TG: variants seen among roughly 807,000 people sequenced by gnomAD.
TG encodes the protein thyroglobulin, also known as thyroid hormones.
In TG, 270 loss-of-function variants were observed where a neutral mutation model predicts 324.7. The ratio of observed to expected loss-of-function variants is 0.83; its 90% CI spans 0.75 to 0.92. The LOEUF (loss-of-function observed/expected upper bound fraction) is 0.92, where lower values mean the gene tolerates loss of function less well. TG is among the 40% of genes least tolerant of loss of function. The pLI is 0.00. For synonymous variants in TG, 1,401 were observed against 1,327.0 expected, an observed-to-expected ratio of 1.06 and a Z score of -1.21; for missense variants, 3,591 against 3,456.4, an observed-to-expected ratio of 1.04 and a Z score of -0.98.
At position 133,039,841 on chromosome 8, in the gene TG, G is replaced by A. The variant is rs112839616; in HGVS notation, c.7239+9818G>A. 3.2e-3 allele frequency among the ~76,000 whole-genome samples: 492 copies of A among 152,258 alleles called. 1 individual carries two copies. Among genetic ancestry groups the A allele is most frequent in the African/African-American group, 0.011 (468 of 41,546 alleles). On this transcript the variant is annotated intron_variant, in intron 41 of 47. Transcript: ENST00000220616. Reference sequence around the variant, plus strand: ...CCAGGGATTCCCTTGGTCTACACTTGTGGGGGGTGCTCACCCCCCAGTTTC... The same window carrying A: ...CCAGGGATTCCCTTGGTCTACACTTATGGGGGGTGCTCACCCCCCAGTTTC...
At chr8:132,987,011 C>T (rs1245706928) in intron 35 of TG, among the ~76,000 whole-genome samples, 2 of 152,188 alleles carry the variant, frequency 1.3e-5, no homozygotes, top group East Asian at 1.9e-4. Flanking sequence ...AATGCTTCCA[C>T]TCTATTTTTG....
Position 132,888,444 on chromosome 8 carries a change from C to T in TG, c.2637C>T (p.Tyr879=), listed in dbSNP as rs1167436946. 2.5e-6 allele frequency: 4 copies of T among 1,612,340 alleles called. No homozygotes were observed. The highest frequency in any genetic ancestry group is 3.4e-6 in the Non-Finnish European group (4 of 1,178,868). Reference sequence around the variant, plus strand: ...TCTTAAATGGCCAACTCAGCCAATACCCGGGGTCCTACTCAGACTTCAGCA... The same window carrying T: ...TCTTAAATGGCCAACTCAGCCAATATCCGGGGTCCTACTCAGACTTCAGCA... The part of the protein sequence containing the change: ...WQILNGQLSQ[Y]PGSYSDFSTP... The change falls in exon 10 of 48, where the codon TAC becomes TAT. Residue 879 remains tyrosine, a synonymous_variant. Transcript: ENST00000220616.
At chr8:132,945,880 C>T (rs1825192158) in intron 26 of TG, among the ~76,000 whole-genome samples, 1 of 152,026 alleles carries the variant, frequency 6.6e-6, no homozygotes, top group Non-Finnish European at 1.5e-5. Context: ...GAGTTTAGCT[C>T]ACAGTGGTTG....
chr8:133,025,708 T>G (rs1007838560), intron 40 of TG, among the ~76,000 whole-genome samples: 93 of 152,314 alleles, frequency 6.1e-4, no homozygotes, highest in African/African-American at 2.2e-3. Flanking sequence ...CCTCCAACTT[T>G]CCTGTGCTCC....
chr8:133,042,420 A>G (rs1838437817), intron 41 of TG, among the ~76,000 whole-genome samples: 1 of 151,948 alleles, frequency 6.6e-6, no homozygotes, highest in Non-Finnish European at 1.5e-5. Flanking sequence ...TGTATGCCCC[A>G]TGCACTCTGT....
chr8:133,126,803 A>AC lies in TG; in HGVS notation c.7863-5008dup, dbSNP rs758535560. 6.2e-4 allele frequency among the ~76,000 whole-genome samples: 94 copies of AC among 151,636 alleles called. 2 individuals carry two copies. The highest frequency in any genetic ancestry group is 3.4e-3 in the Middle Eastern group (1 of 292). On this transcript the variant is annotated intron_variant, in intron 45 of 47. Coordinates refer to ENST00000220616, the MANE Select transcript of TG (RefSeq NM_003235.5). ...ACTTCCTCAGCTTCTAAAAAAAAAA[A>AC]CAAAAAAACAAAACAAAACAAAAGC...
chr8:133,107,990 T>TTCCTC (rs1408489488), intron 43 of TG, among the ~76,000 whole-genome samples: 1 of 147,438 alleles, frequency 6.8e-6, no homozygotes. Flanking sequence ...TTCTTTTTTT[T>TTCCTC]TTTTTTTTTT....
intron 10 of TG, among the ~76,000 whole-genome samples, chr8:132,890,259 A>T (rs983339811): frequency 2.6e-5 from 4 of 152,174 alleles, no homozygotes; most frequent in Non-Finnish European, 5.9e-5. Flanking sequence ...TTTTGCAATT[A>T]AATGTTTAAC....
In TG at chr8:133,134,564, T is replaced by A. The variant is rs138726470; in HGVS notation, c.8189-112T>A. ...AGTGGAAAATTCCCTCTAAAGGGCA[T>A]TAGCAAGAAATGTCCACTGGAGGCT... On this transcript the variant is annotated intron_variant, in intron 47 of 47. Coordinates refer to ENST00000220616, the MANE Select transcript of TG (RefSeq NM_003235.5). The A allele has an allele frequency of 8.1e-4, 803 of 993,648 alleles. 5 individuals carry two copies. In the African/African-American group the frequency reaches 0.012, roughly 14 times the overall value. 61.6% of individuals were successfully genotyped at this position (993,648 alleles called of 1,614,324 possible).
At chr8:132,950,989 C>A (rs1337950865) in intron 27 of TG, among the ~76,000 whole-genome samples, 1 of 152,050 alleles carries the variant, frequency 6.6e-6, no homozygotes, top group Non-Finnish European at 1.5e-5. Flanking sequence ...AGGGGACTTC[C>A]CTAGGTCTTA....
At chr8:132,914,794 A>G (rs1370710958) in intron 20 of TG, among the ~76,000 whole-genome samples, 4 of 152,142 alleles carry the variant, frequency 2.6e-5, no homozygotes, top group Admixed American at 6.5e-5. Flanking sequence ...CAAGAAACAG[A>G]AGCAGGAGTG....
rs546977405 is a variant in TG, at chr8:132,969,585, C to A, written c.5975+16C>A. ...TTTCTAATGGGTAAGCTACTTGTGT[C>A]TCACCCCTAATGTTTATTATGAATA... On this transcript the variant is annotated intron_variant, in intron 32 of 47. Coordinates refer to ENST00000220616, the MANE Select transcript of TG (RefSeq NM_003235.5). The A allele has an allele frequency of 1.4e-6, 2 of 1,469,536 alleles. No homozygotes were observed. Among genetic ancestry groups the A allele is most frequent in the South Asian group, 2.3e-5 (2 of 88,150 alleles). 91.0% of individuals were successfully genotyped at this position (1,469,536 alleles called of 1,614,324 possible). A position where few individuals can be genotyped will look rare whatever the true frequency, so the allele number is the denominator to read the frequency against.
intron 43 of TG, chr8:133,103,025 G>A (rs753201685): frequency 1.0e-4 from 18 of 177,796 alleles, no homozygotes; most frequent in Non-Finnish European, 1.8e-4. Context: ...ATAGTAAGAG[G>A]AGTATGCAGG....
intron 41 of TG, among the ~76,000 whole-genome samples, chr8:133,031,367 G>A (rs1836625966): frequency 6.6e-6 from 1 of 152,162 alleles, no homozygotes. Flanking sequence ...CCACTCATCT[G>A]TTGATGGACA....
chr8:132,967,793 G>A lies in TG; in HGVS notation c.5687-1G>A. On this transcript the variant is annotated splice_acceptor_variant, in intron 30 of 47. Coordinates refer to ENST00000220616, the MANE Select transcript of TG (RefSeq NM_003235.5). LOFTEE classifies it high-confidence loss of function. ...AAATCACACTACTCTCTTGCCTGTA[G>A]GTTGTGTGCAGGAGCACTCTTTCTG... 2 of 1,613,638 alleles carry A rather than the reference G, an allele frequency of 1.2e-6. No homozygotes were observed. The highest frequency in any genetic ancestry group is 8.5e-7 in the Non-Finnish European group (1 of 1,179,754).
intron 29 of TG, among the ~76,000 whole-genome samples, chr8:132,964,118 C>G (rs1400696262): frequency 6.6e-6 from 1 of 151,992 alleles, no homozygotes; most frequent in South Asian, 2.1e-4. Context: ...GGCAGCCACA[C>G]AGCTTGTGAT....
At chr8:132,927,861 G>A (rs1822105776) in intron 22 of TG, among the ~76,000 whole-genome samples, 1 of 152,176 alleles carries the variant, frequency 6.6e-6, no homozygotes, top group South Asian at 2.1e-4. Context: ...ACTGGAGCTT[G>A]CAGTCTCTAC....
chr8:132,950,959 C>T (rs1214775478), intron 27 of TG, among the ~76,000 whole-genome samples: 1 of 152,168 alleles, frequency 6.6e-6, no homozygotes, highest in East Asian at 1.9e-4. Context: ...CAGCTGAAGA[C>T]ACTCAGGCAC....
chr8:132,916,719 TC>T (rs1406200704), intron 20 of TG, among the ~76,000 whole-genome samples: 1 of 152,096 alleles, frequency 6.6e-6, no homozygotes, highest in Non-Finnish European at 1.5e-5. Context: ...TCAGTTTTGT[TC>T]CCCCTTTTGC....
Sources: allele counts gnomAD v4.1 joint callset (sites outside exome capture counted in the v4.1 genomes callset), GRCh38; gene constraint gnomAD v4.1.1; transcripts MANE v1.5; gene names NCBI Gene and HGNC (gene_info 2026-07-23, HGNC 2026-07-21).